The following YTHDF3 variants were observed in gnomAD, a reference collection of about 807,000 sequenced individuals.
The protein encoded by YTHDF3 is YTH domain-containing family protein 3.
YTHDF3 carries 9 observed loss-of-function variants against 52.5 expected under a neutral mutation model. That is an observed-to-expected ratio of 0.17 (90% confidence interval 0.10 to 0.30). The LOEUF (loss-of-function observed/expected upper bound fraction) is 0.30. YTHDF3 is among the 10% of genes least tolerant of loss of function. The pLI is 1.00. For missense variants in YTHDF3, 534 were observed against 715.0 expected (o/e 0.75, Z 2.89); for synonymous variants, 274 against 243.3 (o/e 1.13, Z -1.18).
chr8:63,191,427 A>ATAG (rs963058060), intron 4 of YTHDF3, among the ~76,000 whole-genome samples: 2 of 151,858 alleles, frequency 1.3e-5, no homozygotes, highest in Non-Finnish European at 2.9e-5. Flanking sequence ...TTCTTCACTG[A>ATAG]TAGTATTTGT....
intron 3 of YTHDF3, among the ~76,000 whole-genome samples, chr8:63,180,450 T>C (rs1361505519): frequency 7.4e-6 from 1 of 134,506 alleles, no homozygotes; most frequent in Non-Finnish European, 1.6e-5. Context: ...ACTTCCTAGA[T>C]GAGATGGCGG....
chr8:63,195,357 T>C (rs1048570602), intron 4 of YTHDF3, among the ~76,000 whole-genome samples: 1 of 152,142 alleles, frequency 6.6e-6, no homozygotes, highest in African/African-American at 2.4e-5. Flanking sequence ...TTAGGAAGGA[T>C]TCCTGTGTAA....
At chr8:63,191,355 C>T (rs954565934) in intron 4 of YTHDF3, among the ~76,000 whole-genome samples, 3 of 151,904 alleles carry the variant, frequency 2.0e-5, no homozygotes, top group African/African-American at 7.3e-5. Context: ...TTGAATTTTC[C>T]TGCTCACATA....
intron 4 of YTHDF3, among the ~76,000 whole-genome samples, chr8:63,194,623 G>C (rs1453366860): frequency 3.9e-5 from 6 of 152,106 alleles, no homozygotes; most frequent in African/African-American, 4.8e-5. Context: ...TGAACCACTT[G>C]AGATAACTTT....
intron 4 of YTHDF3, among the ~76,000 whole-genome samples, chr8:63,190,956 G>A (rs543734198): frequency 1.3e-5 from 2 of 152,192 alleles, no homozygotes; most frequent in South Asian, 4.1e-4. Flanking sequence ...TTATTTATTA[G>A]CAAGCCTTTA....
At chr8:63,202,920 A>G (rs1809735708) in intron 4 of YTHDF3, among the ~76,000 whole-genome samples, 1 of 151,960 alleles carries the variant, frequency 6.6e-6, no homozygotes, top group African/African-American at 2.4e-5. Flanking sequence ...AAACACGCAC[A>G]CGGTGTTTTT....
rs1275780783 is a variant in YTHDF3 at position 63,211,474 on chromosome 8, TCTACATCC to T, written c.*1772_*1779del. 6.6e-6 allele frequency: 1 copy of T among 152,580 alleles called. No individual in the cohort carries two copies. Among genetic ancestry groups the T allele is most frequent in the East Asian group, 1.9e-4 (1 of 5,200 alleles). The allele number at this position is 152,580 out of a possible 1,614,324, so 9.5% of individuals were successfully genotyped here. A position where few individuals can be genotyped will look rare whatever the true frequency, so the allele number is the denominator to read the frequency against. ...TTGGGTATAGTCACCACAGCAATGTTCTACATCCCTAAGATTATCTAGGTAGGACATGT... is the reference window on the plus strand; with the variant it reads ...TTGGGTATAGTCACCACAGCAATGTTCTAAGATTATCTAGGTAGGACATGT... On this transcript the variant is annotated 3_prime_UTR_variant, in exon 5 of 5. Transcript: ENST00000539294.
At chr8:63,198,831 T>C (rs1809405109) in intron 4 of YTHDF3, among the ~76,000 whole-genome samples, 1 of 152,222 alleles carries the variant, frequency 6.6e-6, no homozygotes, top group African/African-American at 2.4e-5. Flanking sequence ...TGAAAAAGTT[T>C]ATTATAATTA....
In YTHDF3 at chr8:63,186,366, C is replaced by T. The variant is rs1174148188; in HGVS notation, c.355C>T (p.Leu119Phe). ...PGALGNTPPFLGQHGFNFFPG... is the reference protein window; with the variant it reads ...PGALGNTPPFFGQHGFNFFPG... ...GGCATTAGGAAATACCCCTCCATTT[C>T]TTGGTCAACATGGATTTAACTTTTT... Residue 119 changes from leucine to phenylalanine, a missense_variant, in exon 4 of 5, where the codon CTT becomes TTT. Physicochemically the swap from Leu to Phe is conservative, Grantham distance 22. Coordinates refer to ENST00000539294, the MANE Select transcript of YTHDF3 (RefSeq NM_152758.6). 2 of 1,613,910 alleles carry T rather than the reference C, an allele frequency of 1.2e-6. No homozygotes were observed. The highest frequency in any genetic ancestry group is 1.7e-6 in the Non-Finnish European group (2 of 1,179,912).
At chr8:63,203,666 A>T (rs1809792485) in intron 4 of YTHDF3, among the ~76,000 whole-genome samples, 1 of 152,102 alleles carries the variant, frequency 6.6e-6, no homozygotes, top group African/African-American at 2.4e-5. Context: ...TTTCTCACTA[A>T]TGTCTTTTTC....
intron 3 of YTHDF3, 112 bp downstream of exon 3, chr8:63,175,528 A>G: frequency 1.2e-6 from 1 of 863,180 alleles, no homozygotes; most frequent in Admixed American, 2.2e-5. Context: ...TCATTCATCT[A>G]GTGTACCTAT....
chr8:63,175,258 ATTAAAAACATTAGGT>A, intron 2 of YTHDF3, 58 bp from the exon 3 acceptor site: 1 of 1,132,220 alleles, frequency 8.8e-7, no homozygotes, highest in Non-Finnish European at 1.3e-6. Flanking sequence ...CTTGAAAAAT[ATTAAAAACATTAGGT>A]TGTGCTGCGA....
intron 2 of YTHDF3, among the ~76,000 whole-genome samples, chr8:63,174,624 A>C (rs965343918): frequency 2.6e-5 from 4 of 152,212 alleles, no homozygotes; most frequent in Admixed American, 2.0e-4. Flanking sequence ...TATGGAGATG[A>C]CCTTTGAACA....
At position 63,186,641 on chromosome 8, in the gene YTHDF3, A is replaced by G. The variant is rs1326208112; in HGVS notation, c.630A>G (p.Thr210=). The stretch of plus-strand genomic sequence containing the variant: ...CTGCAGTGACAAAAACTGTAGGTAC[A>G]GCTTTGAGCAGCAGTGGTATGACTA... ...LTAAVTKTVG[T]ALSSSGMTSI... Residue 210 remains threonine, a synonymous_variant, in exon 4 of 5, where the codon ACA becomes ACG. Coordinates refer to ENST00000539294, the MANE Select transcript of YTHDF3 (RefSeq NM_152758.6). 7.4e-6 allele frequency: 12 copies of G among 1,614,022 alleles called. No individual in the cohort carries two copies. Among genetic ancestry groups the G allele is most frequent in the Non-Finnish European group, 1.0e-5 (12 of 1,179,906 alleles).
chr8:63,209,283 A>G (rs994911271), intron 4 of YTHDF3, among the ~76,000 whole-genome samples: 8 of 152,138 alleles, frequency 5.3e-5, no homozygotes, highest in African/African-American at 9.7e-5. Flanking sequence ...ATTGAATGCA[A>G]TTGTACTGCA....
At chr8:63,174,871 C>G (rs1000905932) in intron 2 of YTHDF3, among the ~76,000 whole-genome samples, 1 of 152,008 alleles carries the variant, frequency 6.6e-6, no homozygotes, top group African/African-American at 2.4e-5. Context: ...CAAATTAGAT[C>G]GAAAATAGTT....
intron 3 of YTHDF3, among the ~76,000 whole-genome samples, chr8:63,178,280 C>T (rs965755625): frequency 6.6e-6 from 1 of 152,116 alleles, no homozygotes; most frequent in Non-Finnish European, 1.5e-5. Context: ...GGAAAACCAG[C>T]GGAGGGTGCC....
chr8:63,186,630 A>G lies in YTHDF3; in HGVS notation c.619A>G (p.Thr207Ala). 6.2e-7 allele frequency: 1 copy of G among 1,613,986 alleles called. No individual in the cohort carries two copies. The highest frequency in any genetic ancestry group is 8.5e-7 in the Non-Finnish European group (1 of 1,179,888). Residue 207 changes from threonine to alanine, a missense_variant, in exon 4 of 5, where the codon ACT becomes GCT. Around this residue, in one of 3 missense-constraint regions of YTHDF3, gnomAD observed 196 missense variants for 299.5 expected, o/e 0.65. Transcript: ENST00000539294. ...TGACCTGACAGCTGCAGTGACAAAA[A>G]CTGTAGGTACAGCTTTGAGCAGCAG... ...GGDLTAAVTK[T>A]VGTALSSSGM...
chr8:63,198,826 A>G (rs1809404359), intron 4 of YTHDF3, among the ~76,000 whole-genome samples: 1 of 152,200 alleles, frequency 6.6e-6, no homozygotes, highest in African/African-American at 2.4e-5. Flanking sequence ...GTTGATGAAA[A>G]AGTTTATTAT....
Sources: allele counts gnomAD v4.1 joint callset (sites outside exome capture counted in the v4.1 genomes callset), GRCh38; gene constraint gnomAD v4.1.1; regional missense constraint gnomAD v4.1.1; transcripts MANE v1.5; gene names NCBI Gene and HGNC (gene_info 2026-07-23, HGNC 2026-07-21).